Variants in NFE2 observed in about 807,000 individuals in gnomAD.
NFE2 encodes the protein transcription factor NF-E2 45 kDa subunit.
Under a neutral mutation model 25.8 loss-of-function variants are expected in NFE2, and 13 were observed. The observed-to-expected ratio is 0.50, with a 90% CI of 0.33 to 0.80. NFE2 has a LOEUF of 0.80. Among genes scored for constraint, NFE2 ranks in the 30% least tolerant of loss-of-function variants. The pLI is 0.02. For synonymous variants in NFE2, 204 were observed against 200.2 expected (o/e 1.02, Z -0.16); for missense variants, 382 against 478.9 (o/e 0.80, Z 1.89).
At chr12:54,298,507 CAAA>C (rs1180692795) in intron 1 of NFE2, among the ~76,000 whole-genome samples, 6 of 35,606 alleles carry the variant, frequency 1.7e-4, no homozygotes, top group Admixed American at 2.9e-4. Flanking sequence ...AACTCCACAT[CAAA>C]AAAAAAAAAA....
Position 54,293,018 on chromosome 12 carries a change from G to A in NFE2, c.478C>T (p.Leu160=). 1 of 1,530,322 alleles carries A rather than the reference G, an allele frequency of 6.5e-7. No homozygotes were observed. The highest frequency in any genetic ancestry group is 1.3e-5 in the South Asian group (1 of 77,796). The allele number at this position is 1,530,322 out of a possible 1,614,324, so 94.8% of individuals were successfully genotyped here. ...CGCCGACCAGCCTCTGTCCCCTCCA[G>A]CTCAAGAGATTCAGCATCGCTATAG... The part of the protein sequence containing the change: ...LNYSDAESLE[L]EGTEAGRRRS... The change falls in exon 3 of 3, where the codon CTG becomes TTG. Residue 160 remains leucine (L), a synonymous_variant. Transcript: ENST00000435572.
intron 2 of NFE2, among the ~76,000 whole-genome samples, chr12:54,294,825 G>A (rs184091533): frequency 4.1e-4 from 62 of 152,292 alleles, no homozygotes; most frequent in Admixed American, 1.4e-3. Context: ...AGAGAGGCAG[G>A]TCAGAAGAGA....
chr12:54,295,097 G>T, intron 2 of NFE2, 38 bp downstream of exon 2: 2 of 1,564,130 alleles, frequency 1.3e-6, no homozygotes, highest in South Asian at 2.2e-5. Flanking sequence ...TCTCTTCTCC[G>T]ACACACGGCC....
At position 54,295,104 on chromosome 12, in the gene NFE2, G is replaced by A. The variant is rs200638627; in HGVS notation, c.114+31C>T. 2.0e-5 allele frequency: 31 copies of A among 1,578,434 alleles called. No individual in the cohort carries two copies. In the African/African-American group the frequency reaches 3.2e-4, roughly 16 times the overall value. ...CCTGCTTCTCTCTTCTCCGACACACGGCCTCCCCTGCCCTATCCCCCCTTA... is the reference window on the plus strand; with the variant it reads ...CCTGCTTCTCTCTTCTCCGACACACAGCCTCCCCTGCCCTATCCCCCCTTA... On this transcript the variant is annotated intron_variant, in intron 2 of 2. Coordinates refer to ENST00000435572, the MANE Select transcript of NFE2 (RefSeq NM_001136023.3).
chr12:54,300,838 G>A lies in NFE2; in HGVS notation c.-94C>T, dbSNP rs1944418074. The A allele has an allele frequency of 6.6e-6, 1 of 152,152 alleles. No homozygotes were observed. The highest frequency in any genetic ancestry group is 2.1e-4 in the South Asian group (1 of 4,834). 9.4% of individuals were successfully genotyped at this position (152,152 alleles called of 1,614,324 possible). A position where few individuals can be genotyped will look rare whatever the true frequency, so the allele number is the denominator to read the frequency against. On this transcript the variant is annotated 5_prime_UTR_variant, in exon 1 of 3. Transcript: ENST00000435572. ...CACAGCAGGGTGAGGAGAGAGATGA[G>A]GCTCCCGGTGTTGTCTCTGGGGAGG...
chr12:54,298,742 G>A (rs1444123067), intron 1 of NFE2, among the ~76,000 whole-genome samples: 1 of 151,662 alleles, frequency 6.6e-6, no homozygotes, highest in Non-Finnish European at 1.5e-5. Flanking sequence ...ATAAACCCAG[G>A]AATCAGCATT....
chr12:54,294,953 ACTC>A (rs1196897260), intron 2 of NFE2, among the ~76,000 whole-genome samples, 179 bp downstream of exon 2: 7 of 151,458 alleles, frequency 4.6e-5, no homozygotes, highest in Non-Finnish European at 8.8e-5. Context: ...CTGCTCCTCC[ACTC>A]CTCCTCCTCA....
chr12:54,297,506 A>T (rs1224660966), intron 1 of NFE2, among the ~76,000 whole-genome samples: 1 of 150,936 alleles, frequency 6.6e-6, no homozygotes, highest in East Asian at 1.9e-4. Flanking sequence ...CTCTACTAAA[A>T]ATACAAGTAA....
chr12:54,293,441 C>T, intron 2 of NFE2, 60 bp from the exon 3 acceptor site: 3 of 1,382,022 alleles, frequency 2.2e-6, no homozygotes, highest in Non-Finnish European at 2.8e-6. Flanking sequence ...CCAACACTCT[C>T]TCAGGAACAA....
intron 1 of NFE2, 72 bp from the exon 2 acceptor site, chr12:54,295,376 G>T (rs1048965862): frequency 1.2e-5 from 8 of 669,592 alleles, no homozygotes; most frequent in Non-Finnish European, 1.8e-5. Context: ...CTCCTTGGAG[G>T]GGCTCCCTCC....
intron 1 of NFE2, among the ~76,000 whole-genome samples, chr12:54,298,368 A>G (rs1040872458): frequency 6.6e-5 from 10 of 151,944 alleles, no homozygotes; most frequent in African/African-American, 1.9e-4. Context: ...TTAGCCGGGC[A>G]TGGTGGCGCA....
In NFE2 at chr12:54,293,200, T is replaced by C. The variant is rs779773223; in HGVS notation, c.296A>G (p.Tyr99Cys). Residue 99 changes from tyrosine to cysteine, a missense_variant, in exon 3 of 3, where the codon TAT becomes TGT. Physicochemically the swap from Tyr to Cys is radical, Grantham distance 194. Transcript: ENST00000435572. ...GGAGACTGGTATGGCCATGTTGCCA[T>C]AGGAGTATGGGGGATCTGGGACATG... is the stretch of plus-strand genomic sequence containing the variant. Reference protein sequence around the residue: ...TSHVPDPPYSYGNMAIPVSKP... With the variant: ...TSHVPDPPYSCGNMAIPVSKP... 1.5e-5 allele frequency: 24 copies of C among 1,592,040 alleles called. No individual in the cohort carries two copies. Among genetic ancestry groups the C allele is most frequent in the Admixed American group, 1.7e-5 (1 of 57,620 alleles).
chr12:54,296,204 C>G (rs918969526), intron 1 of NFE2, among the ~76,000 whole-genome samples: 1 of 151,882 alleles, frequency 6.6e-6, no homozygotes, highest in African/African-American at 2.4e-5. Context: ...GTCAGGAGTT[C>G]GAGACCAGCC....
chr12:54,297,584 T>C (rs985239284), intron 1 of NFE2, among the ~76,000 whole-genome samples: 3 of 141,700 alleles, frequency 2.1e-5, no homozygotes, highest in African/African-American at 8.1e-5. Flanking sequence ...GAGAATTGCT[T>C]GAACCCGGGA....
In NFE2 at chr12:54,293,258, G is replaced by A. The variant is rs764697633; in HGVS notation, c.238C>T (p.Pro80Ser). The A allele has an allele frequency of 1.9e-6, 3 of 1,612,358 alleles. No individual in the cohort carries two copies. In the Admixed American group the frequency reaches 5.0e-5, roughly 27 times the overall value. The change falls in exon 3 of 3, where the codon CCA becomes TCA. Residue 80 changes from proline to serine, a missense_variant. Physicochemically the swap from Pro to Ser is moderately conservative, Grantham distance 74 (BLOSUM62 -1). Coordinates refer to ENST00000435572, the MANE Select transcript of NFE2 (RefSeq NM_001136023.3). ...GATGCTGGGAGCTCATAAGGTGGTG[G>A]AGGAAGTGGGAAGCCAGAATCTGGG... Reference protein sequence around the residue: ...IHPDSGFPLPPPPYELPASTS... With the variant: ...IHPDSGFPLPSPPYELPASTS...
intron 1 of NFE2, among the ~76,000 whole-genome samples, chr12:54,297,451 G>T (rs1168228047): frequency 6.7e-6 from 1 of 149,998 alleles, no homozygotes; most frequent in Non-Finnish European, 1.5e-5. Context: ...ATCACCTGAG[G>T]TCAGGAGTTC....
chr12:54,293,419 A>G, intron 2 of NFE2, 38 bp from the exon 3 acceptor site: 5 of 1,410,206 alleles, frequency 3.5e-6, no homozygotes, highest in Non-Finnish European at 4.7e-6. Context: ...GAGACAGACT[A>G]AGGAAGAGAA....
Position 54,300,650 on chromosome 12 carries a change from A to C in NFE2, c.-57+151T>G, listed in dbSNP as rs187791840. Among the ~76,000 whole-genome samples, 34 of 152,232 alleles carry C rather than the reference A, an allele frequency of 2.2e-4. No individual in the cohort carries two copies. The East Asian group carries it at 6.6e-3, about 29-fold the overall frequency. On this transcript the variant is annotated intron_variant, in intron 1 of 2. Transcript: ENST00000435572. Reference sequence around the variant, plus strand: ...CTAGAGGAGTTCCCAAATATGTCAGATTCCTAAACCAGGGGCAATCTAGAA... The same window carrying C: ...CTAGAGGAGTTCCCAAATATGTCAGCTTCCTAAACCAGGGGCAATCTAGAA...
At chr12:54,300,515 C>T (rs1017361094) in intron 1 of NFE2, among the ~76,000 whole-genome samples, 12 of 152,168 alleles carry the variant, frequency 7.9e-5, no homozygotes, top group Non-Finnish European at 1.2e-4. Context: ...CTCCTGGCTA[C>T]TCCCCAGCCC....
Sources: gnomAD v4.1 joint callset for allele counts (sites outside exome capture counted in the v4.1 genomes callset) on GRCh38, gnomAD v4.1.1 for gene constraint, MANE v1.5 for transcripts, NCBI Gene and HGNC (gene_info 2026-07-23, HGNC 2026-07-21) for gene names.